ZNF33B: variants seen among roughly 807,000 people sequenced by gnomAD.
ZNF33B encodes zinc finger protein 33B.
A neutral mutation model predicts 45.8 loss-of-function variants in ZNF33B; 29 were observed. The ratio of observed to expected loss-of-function variants is 0.63; its 90% CI spans 0.47 to 0.86. The LOEUF (loss-of-function observed/expected upper bound fraction) is 0.86, where lower values mean the gene tolerates loss of function less well. ZNF33B is among the 40% of genes least tolerant of loss of function. ZNF33B has a pLI of 0.00. For missense variants in ZNF33B, 831 were observed against 909.9 expected, an observed-to-expected ratio of 0.91 and a Z score of 1.12; for synonymous variants, 305 against 307.8, an observed-to-expected ratio of 0.99 and a Z score of 0.10.
At chr10:42,621,853 CAAGAAA>C (rs1182061791) in intron 4 of ZNF33B, among the ~76,000 whole-genome samples, 3 of 151,990 alleles carry the variant, frequency 2.0e-5, no homozygotes, top group African/African-American at 7.3e-5. Context: ...TCCAGCCAAA[CAAGAAA>C]AAGAAAGAGA....
At chr10:42,605,442 C>A (rs555233381) in intron 4 of ZNF33B, among the ~76,000 whole-genome samples, 1 of 151,948 alleles carries the variant, frequency 6.6e-6, no homozygotes, top group African/African-American at 2.4e-5. Flanking sequence ...ATTCAGTGTA[C>A]TGAAAAAAAA....
chr10:42,596,219 C>A (rs1837394097), intron 4 of ZNF33B, among the ~76,000 whole-genome samples: 1 of 151,748 alleles, frequency 6.6e-6, no homozygotes, highest in Non-Finnish European at 1.5e-5. Flanking sequence ...ATGATGGTTC[C>A]TATTCAAAAG....
At chr10:42,613,970 T>C (rs1473281916) in intron 4 of ZNF33B, among the ~76,000 whole-genome samples, 1 of 152,202 alleles carries the variant, frequency 6.6e-6, no homozygotes, top group Admixed American at 6.5e-5. Flanking sequence ...GAAAGTGCTC[T>C]AAAAAACAAC....
Position 42,593,241 on chromosome 10 carries a change from TGA to T in ZNF33B, c.1707_1708del (p.Gln570ThrfsTer3), listed in dbSNP as rs766079441. The T allele has an allele frequency of 3.7e-6, 6 of 1,613,826 alleles. No homozygotes were observed. The East Asian group carries it at 8.9e-5, about 24-fold the overall frequency. On this transcript the variant is annotated frameshift_variant, in exon 5 of 5. Coordinates refer to ENST00000359467, the MANE Select transcript of ZNF33B (RefSeq NM_006955.3). LOFTEE classifies it high-confidence loss of function. Reference sequence around the variant, plus strand: ...CTCCCCCGTGTGTGTTCTATAATGTTGAGAGAGGGTTGACTTATGGCTAAAGA... The same window carrying T: ...CTCCCCCGTGTGTGTTCTATAATGTTGAGAGGGTTGACTTATGGCTAAAGA...
intron 4 of ZNF33B, among the ~76,000 whole-genome samples, chr10:42,607,675 A>C (rs764995080): frequency 2.7e-5 from 4 of 150,852 alleles, no homozygotes; most frequent in Non-Finnish European, 4.4e-5. Context: ...TTACATCCTG[A>C]TAATAGTCAA....
downstream of ZNF33B, among the ~76,000 whole-genome samples, chr10:42,586,572 G>A (rs1836940514): frequency 6.6e-6 from 1 of 152,194 alleles, no homozygotes; most frequent in Non-Finnish European, 1.5e-5. Context: ...ACTATTAACT[G>A]GGGTATTATA....
Position 42,594,485 on chromosome 10 carries a change from C to G in ZNF33B, c.465G>C (p.Leu155Phe), listed in dbSNP as rs1246075305. ...RGMSFNTVSE[L>F]VISKINYLGK... ...CTAAATAGTTTATCTTACTGATAAC[C>G]AATTCTGAAACAGTGTTGAAACTCA... The change falls in exon 5 of 5, where the codon TTG (leucine) becomes TTC (phenylalanine). Residue 155 changes from leucine (L) to phenylalanine (F), a missense_variant. Leu to Phe is a conservative substitution (Grantham distance 22, BLOSUM62 0). Transcript: ENST00000359467. 1 of 1,612,852 alleles carries G rather than the reference C, an allele frequency of 6.2e-7. No individual in the cohort carries two copies. The highest frequency in any genetic ancestry group is 2.2e-5 in the East Asian group (1 of 44,840).
intron 4 of ZNF33B, among the ~76,000 whole-genome samples, chr10:42,623,176 A>G (rs1482847046): frequency 6.6e-6 from 1 of 152,242 alleles, no homozygotes; most frequent in East Asian, 1.9e-4. Context: ...CTGAGGCAGG[A>G]GAATCACTTG....
At chr10:42,633,145 G>C (rs1415780801) in intron 2 of ZNF33B, among the ~76,000 whole-genome samples, 3 of 152,134 alleles carry the variant, frequency 2.0e-5, no homozygotes, top group Admixed American at 1.3e-4. Context: ...TAAAAATGTA[G>C]AAAGCCTGAC....
Position 42,632,292 on chromosome 10 carries a change from T to C in ZNF33B, c.154+3A>G, listed in dbSNP as rs1422777164. ...TTAGAATGATACAGTGAACAGACCT[T>C]ACCCACTGAGACAAGGTTGCTGTAG... On this transcript the variant is annotated splice_donor_region_variant and intron_variant, in intron 3 of 4. Coordinates refer to ENST00000359467, the MANE Select transcript of ZNF33B (RefSeq NM_006955.3). 1 of 1,599,782 alleles carries C rather than the reference T, an allele frequency of 6.3e-7. No individual in the cohort carries two copies. The highest frequency in any genetic ancestry group is 1.4e-5 in the African/African-American group (1 of 74,040).
At chr10:42,614,290 G>T (rs1411894056) in intron 4 of ZNF33B, 1 of 154,716 alleles carries the variant, frequency 6.5e-6, no homozygotes, top group Non-Finnish European at 1.5e-5. Flanking sequence ...ACCTCACCAG[G>T]ATTCCTCCAA....
intron 4 of ZNF33B, among the ~76,000 whole-genome samples, chr10:42,622,993 T>G (rs531849188): frequency 1.1e-3 from 161 of 152,182 alleles, no homozygotes; most frequent in African/African-American, 3.7e-3. Context: ...TACGGCCGGG[T>G]GCGGTGGCTC....
chr10:42,636,208 G>A (rs1839294021), intron 2 of ZNF33B, among the ~76,000 whole-genome samples: 1 of 152,014 alleles, frequency 6.6e-6, no homozygotes. Context: ...AAGAAAATTG[G>A]AACCTGTATA....
Position 42,583,456 on chromosome 10 carries a change from A to C in ZNF33B, c.74-8778T>G, listed in dbSNP as rs558836547. ...TTGCCCGCTGAGATGGTACTAGATA[A>C]ATGGGAGCTGGTATCTTCAAAGAAG... On this transcript the variant is annotated intron_variant, in intron 1 of 1. Coordinates refer to the ZNF33B transcript ENST00000462075. The C allele has an allele frequency of 5.1e-5, 14 of 273,308 alleles. No individual in the cohort carries two copies. The East Asian group carries it at 9.0e-4, about 18-fold the overall frequency. 16.9% of individuals were successfully genotyped at this position (273,308 alleles called of 1,614,324 possible).
Position 42,612,233 on chromosome 10 carries a change from A to ATTTTTTTTT in ZNF33B, c.251-17543_251-17535dup, listed in dbSNP as rs59259404. On this transcript the variant is annotated intron_variant, in intron 4 of 4. Transcript: ENST00000359467. ...TTGACGTGGCAGGTTACAGAAGTTGATTTTTTTTTTTTTTTTTTTTGAGAC... is the reference window on the plus strand; with the variant it reads ...TTGACGTGGCAGGTTACAGAAGTTGATTTTTTTTTTTTTTTTTTTTTTTTTTTTTGAGAC... Among the ~76,000 whole-genome samples the ATTTTTTTTT allele has an allele frequency of 3.4e-5, 4 of 119,338 alleles. 1 individual carries two copies. The allele number at this position is 119,338 out of a possible 152,430, so 78.3% of individuals were successfully genotyped here.
At chr10:42,600,230 T>G (rs1426555286) in intron 4 of ZNF33B, among the ~76,000 whole-genome samples, 1 of 152,104 alleles carries the variant, frequency 6.6e-6, no homozygotes, top group Non-Finnish European at 1.5e-5. Context: ...TTATTTAGGG[T>G]TAAGTCTATT....
downstream of ZNF33B, among the ~76,000 whole-genome samples, chr10:42,587,739 G>A (rs186818719): frequency 1.3e-4 from 20 of 152,328 alleles, no homozygotes; most frequent in East Asian, 3.5e-3. Flanking sequence ...GCACACTGGC[G>A]AGGGTTTTGT....
At chr10:42,638,398 C>T (rs1435413041) in intron 1 of ZNF33B, 76 bp downstream of exon 1, 1 of 353,030 alleles carries the variant, frequency 2.8e-6, no homozygotes, top group Non-Finnish European at 5.5e-6. Context: ...CACCACCTGG[C>T]ACTGGCCCCC....
intron 4 of ZNF33B, among the ~76,000 whole-genome samples, chr10:42,615,600 C>CT (rs1293987979): frequency 6.6e-6 from 1 of 152,084 alleles, no homozygotes; most frequent in Non-Finnish European, 1.5e-5. Flanking sequence ...TGGATATTGG[C>CT]TTTGTTTCAG....
Sources: allele counts gnomAD v4.1 joint callset (sites outside exome capture counted in the v4.1 genomes callset), GRCh38; gene constraint gnomAD v4.1.1; transcripts MANE v1.5; gene names NCBI Gene and HGNC (gene_info 2026-07-23, HGNC 2026-07-21).